CUL1: variants seen among roughly 807,000 people sequenced by gnomAD.
CUL1 encodes cullin-1.
A neutral mutation model predicts 118.0 loss-of-function variants in CUL1; 24 were observed. The observed-to-expected ratio is 0.20, with a 90% CI of 0.15 to 0.29. The LOEUF (loss-of-function observed/expected upper bound fraction) is 0.29. Among genes scored for constraint, CUL1 ranks in the 10% least tolerant of loss-of-function variants. The pLI is 1.00. For missense variants in CUL1, 361 were observed against 933.8 expected (o/e 0.39, Z 7.99); for synonymous variants, 332 against 340.4 (o/e 0.98, Z 0.27).
In CUL1 at chr7:148,783,908, G is replaced by C; in HGVS notation, c.1191+18G>C. The C allele has an allele frequency of 2.5e-6, 4 of 1,613,792 alleles. No individual in the cohort carries two copies. The highest frequency in any genetic ancestry group is 3.4e-6 in the Non-Finnish European group (4 of 1,179,696). On this transcript the variant is annotated intron_variant, in intron 10 of 21. Coordinates refer to ENST00000325222, the MANE Select transcript of CUL1 (RefSeq NM_003592.3). ...TTGATAAGGTAGGTGCGTGAGGGTT[G>C]TGACTTGCCTGTAGTATGTATGGAT...
At chr7:148,777,790 G>A (rs569343619) in intron 9 of CUL1, among the ~76,000 whole-genome samples, 2 of 151,718 alleles carry the variant, frequency 1.3e-5, no homozygotes, top group Non-Finnish European at 2.9e-5. Flanking sequence ...TGAAGGTCAG[G>A]CACGGTGGGT....
At chr7:148,784,778 T>C (rs1800763134) in intron 11 of CUL1, among the ~76,000 whole-genome samples, 1 of 152,170 alleles carries the variant, frequency 6.6e-6, no homozygotes, top group Admixed American at 6.5e-5. Context: ...TATTAATAAA[T>C]TATATTTTAA....
chr7:148,791,959 C>A (rs1412349686), intron 16 of CUL1, among the ~76,000 whole-genome samples: 1 of 152,172 alleles, frequency 6.6e-6, no homozygotes, highest in Non-Finnish European at 1.5e-5. Flanking sequence ...GAGGCCAAGG[C>A]AGGCAGATCA....
intron 9 of CUL1, among the ~76,000 whole-genome samples, chr7:148,769,828 G>A (rs1172150558): frequency 1.3e-5 from 2 of 152,040 alleles, no homozygotes; most frequent in South Asian, 2.1e-4. Context: ...CCAGGAGTTC[G>A]GGACCAGCTA....
At chr7:148,784,993 C>T (rs1223909639) in intron 11 of CUL1, among the ~76,000 whole-genome samples, 1 of 152,134 alleles carries the variant, frequency 6.6e-6, no homozygotes, top group African/African-American at 2.4e-5. Flanking sequence ...AAGGATAACC[C>T]AGCAGTACCA....
chr7:148,753,828 T>A, intron 2 of CUL1, 148 bp from the exon 3 acceptor site: 1 of 611,800 alleles, frequency 1.6e-6, no homozygotes, highest in Non-Finnish European at 2.7e-6. Flanking sequence ...ATGGATAGTG[T>A]GAATGGGATC....
chr7:148,766,678 T>C lies in CUL1; in HGVS notation c.907T>C (p.Phe303Leu), dbSNP rs1800017022. 6.2e-7 allele frequency: 1 copy of C among 1,613,278 alleles called. No individual in the cohort carries two copies. Among genetic ancestry groups the C allele is most frequent in the Non-Finnish European group, 8.5e-7 (1 of 1,179,832 alleles). The change falls in exon 8 of 22, where the codon TTC becomes CTC. Residue 303 changes from phenylalanine (F) to leucine (L), a missense_variant. By Grantham distance (22) the Phe-to-Leu change is conservative (BLOSUM62 0). Transcript: ENST00000325222. ...QVLIEKHLEI[F>L]HTEFQNLLDA... ...CCTCATTGAAAAACACTTGGAAATT[T>C]TCCACACAGAATTTCAGAATTTATT...
chr7:148,736,007 TAAAAA>T (rs60787796), intron 2 of CUL1, among the ~76,000 whole-genome samples: 22 of 132,748 alleles, frequency 1.7e-4, no homozygotes, highest in Admixed American at 2.3e-4. Context: ...ACCTTGTCTT[TAAAAA>T]AAAAAAAAAA....
intron 2 of CUL1, among the ~76,000 whole-genome samples, chr7:148,736,510 C>T (rs1283999842): frequency 2.0e-5 from 3 of 152,032 alleles, no homozygotes; most frequent in Non-Finnish European, 4.4e-5. Flanking sequence ...GCTATGTTGC[C>T]CAGGCTGGTC....
At chr7:148,795,105 T>G (rs1801140720) in intron 17 of CUL1, among the ~76,000 whole-genome samples, 2 of 152,152 alleles carry the variant, frequency 1.3e-5, no homozygotes, top group Non-Finnish European at 2.9e-5. Flanking sequence ...AGTGCTGGGA[T>G]TATAGGCGTG....
intron 2 of CUL1, among the ~76,000 whole-genome samples, chr7:148,747,537 G>C (rs949884574): frequency 6.6e-6 from 1 of 152,138 alleles, no homozygotes; most frequent in East Asian, 1.9e-4. Context: ...GAGAGCTGAC[G>C]TTTCCATGGA....
At chr7:148,782,252 T>C (rs1284311257) in intron 9 of CUL1, among the ~76,000 whole-genome samples, 1 of 152,192 alleles carries the variant, frequency 6.6e-6, no homozygotes, top group Non-Finnish European at 1.5e-5. Context: ...GAAAATATTT[T>C]CATTGTTTAA....
chr7:148,796,000 G>A (rs1801186067), intron 17 of CUL1, among the ~76,000 whole-genome samples: 1 of 138,962 alleles, frequency 7.2e-6, no homozygotes, highest in Non-Finnish European at 1.6e-5. Context: ...GTTTTTGCCT[G>A]ATTCTTCTGG....
chr7:148,760,515 C>A lies in CUL1; in HGVS notation c.789+19C>A. 6.4e-7 allele frequency: 1 copy of A among 1,567,608 alleles called. No homozygotes were observed. The highest frequency in any genetic ancestry group is 8.7e-7 in the Non-Finnish European group (1 of 1,152,736). ...GAAAAAGGTAAGCTTAAATATAGTA[C>A]TTTAAGTAGACTTAAGTTAAAGTCA... On this transcript the variant is annotated intron_variant, in intron 7 of 21. Transcript: ENST00000325222.
At chr7:148,753,259 A>G (rs187182584) in intron 2 of CUL1, among the ~76,000 whole-genome samples, 25 of 152,156 alleles carry the variant, frequency 1.6e-4, no homozygotes, top group Non-Finnish European at 2.1e-4. Context: ...CTTTCCGTTC[A>G]TTTTATTCAA....
chr7:148,767,670 A>T lies in CUL1; in HGVS notation c.1004A>T (p.Glu335Val). The stretch of plus-strand genomic sequence containing the variant: ...TCTAGAATCCAGGATGGCCTAGGAG[A>T]ATTGAAAAAACTGTTGGAGACACAC... ...LVSRIQDGLGELKKLLETHIH... is the reference protein window; with the variant it reads ...LVSRIQDGLGVLKKLLETHIH... The change falls in exon 9 of 22, where the codon GAA (glutamate) becomes GTA (valine). Residue 335 changes from glutamate to valine, a missense_variant. Transcript: ENST00000325222. The T allele has an allele frequency of 3.1e-6, 5 of 1,613,974 alleles. No homozygotes were observed. The highest frequency in any genetic ancestry group is 4.2e-6 in the Non-Finnish European group (5 of 1,179,924).
At chr7:148,757,729 A>G (rs991772110) in intron 4 of CUL1, among the ~76,000 whole-genome samples, 1 of 152,210 alleles carries the variant, frequency 6.6e-6, no homozygotes, top group Non-Finnish European at 1.5e-5. Context: ...TTATAAAGCA[A>G]AGGAAGTGTA....
chr7:148,778,134 G>A (rs944710396), intron 9 of CUL1, among the ~76,000 whole-genome samples: 21 of 140,580 alleles, frequency 1.5e-4, no homozygotes, highest in African/African-American at 5.1e-4. Flanking sequence ...AGCACTTACT[G>A]AATTGTTAGT....
intron 2 of CUL1, among the ~76,000 whole-genome samples, chr7:148,738,342 T>G (rs532211745): frequency 2.0e-5 from 3 of 152,326 alleles, no homozygotes; most frequent in African/African-American, 7.2e-5. Context: ...AGGTGAGATG[T>G]GAAGCTTTGC....
Sources: gnomAD v4.1 joint callset for allele counts (sites outside exome capture counted in the v4.1 genomes callset) on GRCh38, gnomAD v4.1.1 for gene constraint, MANE v1.5 for transcripts, NCBI Gene and HGNC (gene_info 2026-07-23, HGNC 2026-07-21) for gene names.